The following LUZP2 variants were observed in gnomAD, a reference collection of about 807,000 sequenced individuals.
LUZP2 encodes the protein leucine zipper protein 2.
A neutral mutation model predicts 51.6 loss-of-function variants in LUZP2; 52 were observed. The ratio of observed to expected loss-of-function variants is 1.01; its 90% CI spans 0.81 to 1.27. The LOEUF (loss-of-function observed/expected upper bound fraction) is 1.27. LUZP2 is among the 50% of genes most tolerant of loss of function. LUZP2 has a pLI of 0.00. For synonymous variants in LUZP2, 154 were observed against 137.3 expected (o/e 1.12, Z -0.85); for missense variants, 436 against 395.4 (o/e 1.10, Z -0.87).
At chr11:24,953,518 A>G (rs1855134515) in intron 7 of LUZP2, among the ~76,000 whole-genome samples, 2 of 152,014 alleles carry the variant, frequency 1.3e-5, no homozygotes, top group Non-Finnish European at 1.5e-5. Context: ...TGCCATGTCA[A>G]TTAACTGTCA....
At chr11:24,806,820 C>T (rs1050200102) in intron 5 of LUZP2, among the ~76,000 whole-genome samples, 1 of 151,866 alleles carries the variant, frequency 6.6e-6, no homozygotes, top group African/African-American at 2.4e-5. Context: ...CCTTAGTTCT[C>T]TCCTCAGAAG....
chr11:24,620,067 G>A (rs897038479), intron 1 of LUZP2, among the ~76,000 whole-genome samples: 8 of 152,040 alleles, frequency 5.3e-5, no homozygotes, highest in African/African-American at 1.9e-4. Flanking sequence ...AATGCCAGAC[G>A]TACTTTGTGG....
intron 9 of LUZP2, among the ~76,000 whole-genome samples, chr11:24,999,719 C>A (rs1293726407): frequency 1.3e-5 from 2 of 152,160 alleles, no homozygotes; most frequent in Non-Finnish European, 2.9e-5. Context: ...CTAAGCACTT[C>A]TCACAAATAA....
chr11:24,620,343 C>A (rs1036796301), intron 1 of LUZP2, among the ~76,000 whole-genome samples: 5 of 151,600 alleles, frequency 3.3e-5, no homozygotes, highest in African/African-American at 1.2e-4. Context: ...TTTTTTTTTG[C>A]AGTACAGGGG....
chr11:24,903,703 T>A (rs2133783608), intron 5 of LUZP2, among the ~76,000 whole-genome samples: 1 of 152,286 alleles, frequency 6.6e-6, no homozygotes, highest in Admixed American at 6.5e-5. Flanking sequence ...AGCCTGCCCA[T>A]CTAAAGACAG....
intron 9 of LUZP2, among the ~76,000 whole-genome samples, chr11:25,035,795 C>G (rs1308121694): frequency 2.6e-5 from 4 of 152,136 alleles, no homozygotes; most frequent in African/African-American, 4.8e-5. Flanking sequence ...GTTGAACTAG[C>G]CTTGCATCCT....
intron 10 of LUZP2, among the ~76,000 whole-genome samples, chr11:25,060,555 G>T (rs1475655719): frequency 6.6e-6 from 1 of 152,144 alleles, no homozygotes; most frequent in Non-Finnish European, 1.5e-5. Flanking sequence ...TCACATTGCT[G>T]TGATTACCTT....
chr11:25,030,023 G>A (rs1385690040), intron 9 of LUZP2, among the ~76,000 whole-genome samples: 1 of 152,052 alleles, frequency 6.6e-6, no homozygotes, highest in East Asian at 1.9e-4. Flanking sequence ...ATGATTTGGG[G>A]CATTATTAAG....
chr11:24,660,720 CAG>C (rs959523994), intron 1 of LUZP2, among the ~76,000 whole-genome samples: 6 of 152,090 alleles, frequency 3.9e-5, no homozygotes, highest in African/African-American at 7.2e-5. Flanking sequence ...TTCGATTAAG[CAG>C]AGTTACCTTT....
intron 5 of LUZP2, among the ~76,000 whole-genome samples, chr11:24,773,864 C>T (rs1848825889): frequency 6.6e-6 from 1 of 152,126 alleles, no homozygotes; most frequent in African/African-American, 2.4e-5. Flanking sequence ...GTTAAGCCCC[C>T]TTCAGTGCCC....
At chr11:24,976,242 G>A (rs1013263099) in intron 7 of LUZP2, among the ~76,000 whole-genome samples, 1 of 151,800 alleles carries the variant, frequency 6.6e-6, no homozygotes, top group Non-Finnish European at 1.5e-5. Context: ...ATAAATTTTG[G>A]GGGCATAAAA....
At chr11:24,908,429 T>C (rs753430848) in intron 6 of LUZP2, among the ~76,000 whole-genome samples, 7 of 152,236 alleles carry the variant, frequency 4.6e-5, no homozygotes, top group Non-Finnish European at 1.0e-4. Context: ...TTTTTCATCG[T>C]CCTTGTCTTT....
intron 1 of LUZP2, among the ~76,000 whole-genome samples, chr11:24,645,372 G>A (rs1423267046): frequency 1.3e-5 from 2 of 152,090 alleles, no homozygotes; most frequent in African/African-American, 4.8e-5. Context: ...TTAGAGCTTT[G>A]CATAATTATA....
At chr11:24,977,915 C>G (rs188255452) in intron 8 of LUZP2, among the ~76,000 whole-genome samples, 7 of 150,730 alleles carry the variant, frequency 4.6e-5, no homozygotes, top group Admixed American at 1.3e-4. Context: ...AAAGGAAATA[C>G]TCTGATGTCA....
intron 1 of LUZP2, among the ~76,000 whole-genome samples, chr11:24,535,658 C>T (rs1031696486): frequency 1.3e-5 from 2 of 151,546 alleles, no homozygotes; most frequent in Admixed American, 6.6e-5. Flanking sequence ...ATCTCCACCA[C>T]CTCAGACACA....
rs1565280799 is a variant in LUZP2 at position 25,048,829 on chromosome 11, A to AT, written c.766-1207dup. ...TATTTACTTTTTATTTATTTATTTA[A>AT]TTAATTAATTTATTTATTTATTATT... On this transcript the variant is annotated intron_variant, in intron 9 of 11. Transcript: ENST00000336930. 4.4e-4 allele frequency among the ~76,000 whole-genome samples: 67 copies of AT among 151,232 alleles called. 2 individuals carry two copies. In the South Asian group the frequency reaches 0.01, roughly 23 times the overall value.
At chr11:24,691,112 ATCTG>A (rs1319324054) in intron 1 of LUZP2, among the ~76,000 whole-genome samples, 2 of 152,014 alleles carry the variant, frequency 1.3e-5, no homozygotes, top group East Asian at 3.9e-4. Context: ...ACAGCAAAAA[ATCTG>A]TAACAATACA....
At chr11:24,928,276 A>G (rs1369658626) in intron 7 of LUZP2, among the ~76,000 whole-genome samples, 1 of 152,056 alleles carries the variant, frequency 6.6e-6, no homozygotes, top group Non-Finnish European at 1.5e-5. Context: ...TACTATGTTC[A>G]GTAGAAATGG....
chr11:24,738,376 T>A, intron 4 of LUZP2, 74 bp downstream of exon 4: 1 of 978,092 alleles, frequency 1.0e-6, no homozygotes, highest in Non-Finnish European at 1.6e-6. Flanking sequence ...AAAATCACTA[T>A]GGAACAAACA....
Sources: gnomAD v4.1 joint callset for allele counts (sites outside exome capture counted in the v4.1 genomes callset) on GRCh38, gnomAD v4.1.1 for gene constraint, MANE v1.5 for transcripts, NCBI Gene and HGNC (gene_info 2026-07-23, HGNC 2026-07-21) for gene names.